The following TRAF3IP1 variants were observed in gnomAD, a reference collection of about 807,000 sequenced individuals.
TRAF3IP1 encodes intraflagellar transport 54.
In TRAF3IP1, 53 loss-of-function variants were observed where a neutral mutation model predicts 89.9. The ratio of observed to expected loss-of-function variants is 0.59; its 90% confidence interval spans 0.47 to 0.74. The LOEUF (loss-of-function observed/expected upper bound fraction) is 0.74, where lower values mean the gene tolerates loss of function less well. Among genes scored for constraint, TRAF3IP1 ranks in the 30% least tolerant of loss-of-function variants. The pLI is 0.00. For missense variants in TRAF3IP1, 806 were observed against 866.1 expected, an observed-to-expected ratio of 0.93 and a Z score of 0.87; for synonymous variants, 311 against 322.1, an observed-to-expected ratio of 0.97 and a Z score of 0.37.
intron 15 of TRAF3IP1, among the ~76,000 whole-genome samples, chr2:238,369,347 A>G (rs1457532734): frequency 6.6e-6 from 1 of 152,176 alleles, no homozygotes; most frequent in Admixed American, 6.5e-5. Flanking sequence ...AATGGTAGTG[A>G]TATTAAAAGT....
intron 1 of TRAF3IP1, among the ~76,000 whole-genome samples, chr2:238,322,246 C>T (rs995101629): frequency 6.6e-5 from 10 of 152,248 alleles, no homozygotes; most frequent in African/African-American, 1.9e-4. Flanking sequence ...TTTATTCTCC[C>T]AGGCCTGTCT....
rs58151825 is a variant in TRAF3IP1, at chr2:238,369,227, T to C, written c.1689+13147T>C. Among the ~76,000 whole-genome samples, 868 of 148,852 alleles carry C rather than the reference T, an allele frequency of 5.8e-3. 11 individuals carry two copies. Among genetic ancestry groups the C allele is most frequent in the African/African-American group, 0.021 (819 of 38,860 alleles). On this transcript the variant is annotated intron_variant, in intron 15 of 16. Transcript: ENST00000373327. ...AATAACCAAGCAATTAAAGTAAATATATATTTTTAACAATTTTGAAATTAG... is the reference window on the plus strand; with the variant it reads ...AATAACCAAGCAATTAAAGTAAATACATATTTTTAACAATTTTGAAATTAG...
rs1251788521 is a variant in TRAF3IP1 at position 238,356,047 on chromosome 2, G to A, written c.1656G>A (p.Glu552=). 6.2e-6 allele frequency: 10 copies of A among 1,613,734 alleles called. No homozygotes were observed. The highest frequency in any genetic ancestry group is 8.5e-6 in the Non-Finnish European group (10 of 1,179,780). Residue 552 remains glutamate (E), a synonymous_variant, in exon 15 of 17, where the codon GAG becomes GAA. Coordinates refer to ENST00000373327, the MANE Select transcript of TRAF3IP1 (RefSeq NM_015650.4). ...TTTTGGAGACGAAGAAAGATTATGAGAAATTGCAGCAGTCACCCAAACCTG... is the reference window on the plus strand; with the variant it reads ...TTTTGGAGACGAAGAAAGATTATGAAAAATTGCAGCAGTCACCCAAACCTG... ...KKILETKKDY[E]KLQQSPKPGE...
chr2:238,347,166 A>C, intron 9 of TRAF3IP1: 1 of 364,968 alleles, frequency 2.7e-6, no homozygotes, highest in South Asian at 3.9e-5. Flanking sequence ...TTGTCTCATG[A>C]ACTTGTTAAC....
intron 15 of TRAF3IP1, among the ~76,000 whole-genome samples, chr2:238,391,903 C>T (rs957103672): frequency 1.3e-5 from 2 of 152,148 alleles, no homozygotes; most frequent in African/African-American, 4.8e-5. Flanking sequence ...TTAACTAAGT[C>T]AATGAGACAT....
At chr2:238,356,144 T>C in intron 15 of TRAF3IP1, 64 bp downstream of exon 15, 4 of 1,282,494 alleles carry the variant, frequency 3.1e-6, no homozygotes, top group Non-Finnish European at 4.5e-6. Flanking sequence ...TTACAGACTT[T>C]TACAAGTTGG....
chr2:238,398,439 T>TG (rs1398212469), intron 16 of TRAF3IP1, among the ~76,000 whole-genome samples: 1 of 18,902 alleles, frequency 5.3e-5, no homozygotes, highest in Non-Finnish European at 1.0e-4. Context: ...GGAACATAGG[T>TG]GGGGGGTAGT....
chr2:238,327,025 T>G (rs897876482), intron 3 of TRAF3IP1, among the ~76,000 whole-genome samples: 3 of 152,204 alleles, frequency 2.0e-5, no homozygotes, highest in Admixed American at 1.3e-4. Flanking sequence ...TCCAGTAGCC[T>G]CGGGTCTGGG....
At chr2:238,360,493 G>A (rs1446017246) in intron 15 of TRAF3IP1, among the ~76,000 whole-genome samples, 1 of 152,176 alleles carries the variant, frequency 6.6e-6, no homozygotes, top group African/African-American at 2.4e-5. Flanking sequence ...TTGCCAAACT[G>A]TGTTGCAAAG....
chr2:238,336,647 C>G (rs915540499), intron 7 of TRAF3IP1, among the ~76,000 whole-genome samples: 1 of 152,146 alleles, frequency 6.6e-6, no homozygotes, highest in Non-Finnish European at 1.5e-5. Flanking sequence ...GAGCTGATCA[C>G]TTTGACTTAA....
intron 7 of TRAF3IP1, 45 bp downstream of exon 7, chr2:238,334,080 T>TG (rs769944021): frequency 1.4e-4 from 198 of 1,379,958 alleles, no homozygotes; most frequent in Admixed American, 1.8e-4. Flanking sequence ...GGATATTAGT[T>TG]TTTTTTTTTT....
At chr2:238,392,734 G>A (rs1444291549) in intron 15 of TRAF3IP1, among the ~76,000 whole-genome samples, 6 of 152,170 alleles carry the variant, frequency 3.9e-5, no homozygotes, top group East Asian at 1.9e-4. Context: ...GCGCCACCGC[G>A]CCCAGCTAAC....
At chr2:238,391,309 TGG>T (rs149652057) in intron 15 of TRAF3IP1, among the ~76,000 whole-genome samples, 1 of 152,324 alleles carries the variant, frequency 6.6e-6, no homozygotes, top group East Asian at 1.9e-4. Context: ...AATTCCTGTG[TGG>T]GGGTAATAGA....
Position 238,328,799 on chromosome 2 carries a change from A to T in TRAF3IP1, c.468A>T (p.Glu156Asp). Residue 156 changes from glutamate (E) to aspartate (D), a missense_variant, in exon 4 of 17, where the codon GAA (glutamate) becomes GAT (aspartate). This residue lies in a region of TRAF3IP1 where 732 missense variants were observed against 780.5 expected (regional missense o/e 0.94). Coordinates refer to ENST00000373327, the MANE Select transcript of TRAF3IP1 (RefSeq NM_015650.4). ...AATTGGATAATAAGAATGTGCGAGA[A>T]GAAGAGTCCAGAGTTCACAAAAATA... ...SQELDNKNVR[E>D]EESRVHKNTE... 1 of 1,614,182 alleles carries T rather than the reference A, an allele frequency of 6.2e-7. No individual in the cohort carries two copies. Among genetic ancestry groups the T allele is most frequent in the South Asian group, 1.1e-5 (1 of 91,080 alleles).
chr2:238,326,478 G>A (rs1466223089), intron 3 of TRAF3IP1, among the ~76,000 whole-genome samples: 3 of 151,830 alleles, frequency 2.0e-5, no homozygotes, highest in Non-Finnish European at 4.4e-5. Flanking sequence ...TCTCTCTCTC[G>A]GTTGCTGTTT....
At chr2:238,340,689 C>T (rs1185749241) in intron 8 of TRAF3IP1, among the ~76,000 whole-genome samples, 1 of 152,100 alleles carries the variant, frequency 6.6e-6, no homozygotes, top group Non-Finnish European at 1.5e-5. Context: ...TTGCTTACTT[C>T]TCTAACTGTT....
intron 1 of TRAF3IP1, among the ~76,000 whole-genome samples, chr2:238,324,748 C>T (rs1159415221): frequency 5.3e-5 from 8 of 151,868 alleles, no homozygotes; most frequent in Non-Finnish European, 5.9e-5. Context: ...GGACTATAGG[C>T]GAGCACCACC....
intron 8 of TRAF3IP1, among the ~76,000 whole-genome samples, chr2:238,341,547 A>T (rs13030010): frequency 0.6 from 79,097 of 131,242 alleles, 21,862 homozygotes; most frequent in Middle Eastern, 0.71. Context: ...TTTTTTTTTT[A>T]AAAAAAAAAC....
chr2:238,381,779 A>G (rs1700561237), intron 15 of TRAF3IP1, among the ~76,000 whole-genome samples: 1 of 152,224 alleles, frequency 6.6e-6, no homozygotes, highest in African/African-American at 2.4e-5. Context: ...CCTTTGAGGA[A>G]AGCTCATCGT....
Sources: allele counts gnomAD v4.1 joint callset (sites outside exome capture counted in the v4.1 genomes callset), GRCh38; gene constraint gnomAD v4.1.1; regional missense constraint gnomAD v4.1.1; transcripts MANE v1.5; gene names NCBI Gene and HGNC (gene_info 2026-07-23, HGNC 2026-07-21).